CERS3: variants seen among roughly 807,000 people sequenced by gnomAD.
The protein encoded by CERS3 is ceramide synthase 3, also known as LAG1 homolog, ceramide synthase 3.
CERS3 carries 33 observed loss-of-function variants against 50.3 expected under a neutral mutation model. That is an observed-to-expected ratio of 0.66 (90% confidence interval 0.50 to 0.88). The LOEUF is 0.88. Ranked by LOEUF, CERS3 falls within the 40% of genes least tolerant of loss-of-function variation. The pLI is 0.00. For synonymous variants in CERS3, 176 were observed against 155.2 expected, an observed-to-expected ratio of 1.13 and a Z score of -0.99; for missense variants, 470 against 460.3, an observed-to-expected ratio of 1.02 and a Z score of -0.19.
chr15:100,415,732 T>A (rs1028274150), intron 11 of CERS3, among the ~76,000 whole-genome samples: 5 of 151,424 alleles, frequency 3.3e-5, no homozygotes, highest in African/African-American at 1.2e-4. Flanking sequence ...TAAGTGAGAG[T>A]TGAACAATGA....
At chr15:100,518,736 T>G (rs2036561433) in intron 2 of CERS3, among the ~76,000 whole-genome samples, 1 of 152,244 alleles carries the variant, frequency 6.6e-6, no homozygotes, top group Non-Finnish European at 1.5e-5. Context: ...ATCAGCTCCT[T>G]TTCCCTGGGG....
chr15:100,472,844 T>C, intron 9 of CERS3, 80 bp downstream of exon 9: 2 of 1,550,022 alleles, frequency 1.3e-6, no homozygotes, highest in African/African-American at 2.7e-5. Flanking sequence ...TCTGCTAAAT[T>C]GCTCACAATT....
intron 11 of CERS3, among the ~76,000 whole-genome samples, chr15:100,426,821 C>T (rs1271974920): frequency 1.3e-5 from 2 of 152,166 alleles, no homozygotes; most frequent in African/African-American, 2.4e-5. Flanking sequence ...TTTCTCTGGC[C>T]TTCCATAATT....
chr15:100,457,430 T>C (rs751682674), intron 10 of CERS3, among the ~76,000 whole-genome samples: 1 of 152,246 alleles, frequency 6.6e-6, no homozygotes, highest in Non-Finnish European at 1.5e-5. Context: ...TCATACGTTG[T>C]GTGAGCTTTT....
At chr15:100,497,892 CACACTT>C (rs1268293311) in intron 3 of CERS3, among the ~76,000 whole-genome samples, 371 of 28,026 alleles carry the variant, frequency 0.013, no homozygotes, top group Non-Finnish European at 0.021. Context: ...CACACACACA[CACACTT>C]TTTTTTTTTT....
At chr15:100,403,772 C>T (rs899788025) in intron 11 of CERS3, among the ~76,000 whole-genome samples, 1 of 152,170 alleles carries the variant, frequency 6.6e-6, no homozygotes, top group African/African-American at 2.4e-5. Context: ...AACAGCAGCA[C>T]TAGGTCCAAA....
At chr15:100,533,987 A>T (rs2037008877) in intron 1 of CERS3, among the ~76,000 whole-genome samples, 1 of 152,180 alleles carries the variant, frequency 6.6e-6, no homozygotes. Flanking sequence ...ACTTCATGCA[A>T]AGGAGTCTTA....
chr15:100,405,254 AAAAAC>A (rs1181205934), intron 11 of CERS3, among the ~76,000 whole-genome samples: 2 of 128,566 alleles, frequency 1.6e-5, no homozygotes, highest in African/African-American at 5.5e-5. Context: ...AAAAACAAAA[AAAAAC>A]CCCTAATTTA....
intron 4 of CERS3, among the ~76,000 whole-genome samples, chr15:100,488,032 T>G (rs1227044792): frequency 6.6e-6 from 1 of 152,234 alleles, no homozygotes; most frequent in East Asian, 1.9e-4. Flanking sequence ...GTCAGAGTTG[T>G]TGGTCTTACC....
intron 11 of CERS3, among the ~76,000 whole-genome samples, chr15:100,414,799 A>C (rs2142067705): frequency 6.8e-6 from 1 of 147,842 alleles, no homozygotes; most frequent in East Asian, 2.0e-4. Flanking sequence ...TGAAGCCTTA[A>C]ATGTAAAACC....
intron 11 of CERS3, among the ~76,000 whole-genome samples, chr15:100,435,754 A>G (rs2033372149): frequency 6.6e-6 from 1 of 152,216 alleles, no homozygotes; most frequent in South Asian, 2.1e-4. Flanking sequence ...CAGAATCTAC[A>G]ATGAACTTAA....
chr15:100,441,604 G>A (rs935335142), intron 11 of CERS3, among the ~76,000 whole-genome samples: 33 of 151,670 alleles, frequency 2.2e-4, no homozygotes, highest in South Asian at 1.2e-3. Flanking sequence ...TCTTTAACTC[G>A]CACCTGACCT....
Position 100,476,449 on chromosome 15 carries a change from A to G in CERS3, c.517-271T>C, listed in dbSNP as rs528531886. Among the ~76,000 whole-genome samples, 160 of 152,346 alleles carry G rather than the reference A, an allele frequency of 1.1e-3. 1 individual carries two copies. The highest frequency in any genetic ancestry group is 3.4e-3 in the African/African-American group (143 of 41,588). The stretch of plus-strand genomic sequence containing the variant: ...AACTGCCACAGGTGTAAATGCCTTC[A>G]GTTTATTCAGAGTCAAGTTTAAATT... On this transcript the variant is annotated intron_variant, in intron 7 of 11. Transcript: ENST00000679737.
chr15:100,423,668 T>C (rs2032613284), intron 11 of CERS3, among the ~76,000 whole-genome samples: 1 of 152,030 alleles, frequency 6.6e-6, no homozygotes, highest in Non-Finnish European at 1.5e-5. Context: ...ACTACCTGGG[T>C]GACAAAATCA....
rs548329989 is a variant in CERS3 at position 100,402,755 on chromosome 15, C to T, written c.1110G>A (p.Arg370=). ...KEMDCLKNGL[R]AERHLIPNGQ... ...CATTGGGAATGAGGTGCCTCTCAGC[C>T]CTGAGGCCGTTCTTTAAACAATCCA... Residue 370 remains arginine, a synonymous_variant, in exon 12 of 12, where the codon AGG becomes AGA. Coordinates refer to ENST00000679737, the MANE Select transcript of CERS3 (RefSeq NM_001378789.1). The T allele has an allele frequency of 1.7e-5, 27 of 1,614,168 alleles. No homozygotes were observed. Among genetic ancestry groups the T allele is most frequent in the African/African-American group, 4.0e-5 (3 of 75,030 alleles).
intron 1 of CERS3, among the ~76,000 whole-genome samples, chr15:100,540,416 C>T (rs1325569757): frequency 9.2e-5 from 14 of 152,132 alleles, no homozygotes; most frequent in African/African-American, 3.1e-4. Flanking sequence ...TGGTGACAGG[C>T]GCCCGTAATC....
At chr15:100,403,378 A>T (rs2030710407) in intron 11 of CERS3, among the ~76,000 whole-genome samples, 1 of 152,168 alleles carries the variant, frequency 6.6e-6, no homozygotes, top group Non-Finnish European at 1.5e-5. Flanking sequence ...AAATAAACCC[A>T]AGGCAAGCAA....
chr15:100,529,457 AAT>A (rs2036886434), upstream of CERS3, among the ~76,000 whole-genome samples: 1 of 152,254 alleles, frequency 6.6e-6, no homozygotes, highest in Non-Finnish European at 1.5e-5. Flanking sequence ...CAAAAAATAC[AAT>A]AGTCTGGCAA....
chr15:100,494,792 G>T (rs72759146), intron 3 of CERS3, among the ~76,000 whole-genome samples: 6,282 of 152,236 alleles, frequency 0.041, 180 homozygotes, highest in Non-Finnish European at 0.055. Flanking sequence ...TCATTCAGAG[G>T]TGAGAGCTTA....
Sources: gnomAD v4.1 joint callset for allele counts (sites outside exome capture counted in the v4.1 genomes callset) on GRCh38, gnomAD v4.1.1 for gene constraint, MANE v1.5 for transcripts, NCBI Gene and HGNC (gene_info 2026-07-23, HGNC 2026-07-21) for gene names.